MAPK9: variants seen among roughly 807,000 people sequenced by gnomAD.
MAPK9 encodes the protein Jun kinase.
Under a neutral mutation model 57.1 loss-of-function variants are expected in MAPK9, and 30 were observed. The ratio of observed to expected loss-of-function variants is 0.53; its 90% CI spans 0.39 to 0.71. MAPK9 has a LOEUF of 0.71. Ranked by LOEUF, MAPK9 falls within the 30% of genes least tolerant of loss-of-function variation. The pLI is 0.00. For missense variants in MAPK9, 362 were observed against 521.0 expected (o/e 0.69, Z 2.97); for synonymous variants, 155 against 177.0 (o/e 0.88, Z 0.99).
intron 2 of MAPK9, 131 bp downstream of exon 2, chr5:180,280,309 T>C (rs1762209625): frequency 1.6e-6 from 2 of 1,218,988 alleles, no homozygotes; most frequent in East Asian, 4.9e-5. Flanking sequence ...AAGCAGTTGA[T>C]TCAATTTAGC....
rs547917857 is a variant in MAPK9, at chr5:180,247,732, A to AAAACAAAC, written c.617-230_617-223dup. The AAAACAAAC allele has an allele frequency of 8.7e-7, 1 of 1,147,242 alleles. No individual in the cohort carries two copies. Among genetic ancestry groups the AAAACAAAC allele is most frequent in the Non-Finnish European group, 1.3e-6 (1 of 777,182 alleles). 71.1% of individuals were successfully genotyped at this position (1,147,242 alleles called of 1,614,324 possible). On this transcript the variant is annotated intron_variant, in intron 6 of 11. Coordinates refer to ENST00000452135, the MANE Select transcript of MAPK9 (RefSeq NM_002752.5). The surrounding 1 kb of genome is among the most constrained non-coding windows in gnomAD (Gnocchi z 4.5). Reference sequence around the variant, plus strand: ...CAAAGAGTCCAATACTTTATAGCTTAAAACAAACAAACAAACAAACAAAAA... The same window carrying AAAACAAAC: ...CAAAGAGTCCAATACTTTATAGCTTAAAACAAACAAACAAACAAACAAACAAACAAAAA...
At chr5:180,265,885 C>T (rs1326148975) in intron 3 of MAPK9, among the ~76,000 whole-genome samples, 1 of 152,096 alleles carries the variant, frequency 6.6e-6, no homozygotes, top group Non-Finnish European at 1.5e-5. Context: ...GGAACAAAGA[C>T]TTAAATCTAA....
At chr5:180,262,000 C>T (rs1456794030) in intron 4 of MAPK9, among the ~76,000 whole-genome samples, 178 bp from the exon 5 acceptor site, 1 of 151,810 alleles carries the variant, frequency 6.6e-6, no homozygotes, top group Non-Finnish European at 1.5e-5. Flanking sequence ...AACTTAACGT[C>T]TTACAAGTTA....
chr5:180,273,381 T>A (rs964590186), intron 2 of MAPK9, among the ~76,000 whole-genome samples: 1 of 152,156 alleles, frequency 6.6e-6, no homozygotes, highest in Non-Finnish European at 1.5e-5. Flanking sequence ...CAATCTTCTA[T>A]GATAATTTTT....
chr5:180,236,653 G>T, intron 11 of MAPK9, 127 bp from the exon 12 acceptor site: 1 of 970,818 alleles, frequency 1.0e-6, no homozygotes, highest in Non-Finnish European at 1.5e-6. Context: ...TATGAGTATA[G>T]ACAAGAAGTC....
intron 2 of MAPK9, among the ~76,000 whole-genome samples, chr5:180,269,639 C>T (rs1761066748): frequency 6.6e-6 from 1 of 152,210 alleles, no homozygotes; most frequent in Admixed American, 6.5e-5. Context: ...TGGGGTTCAG[C>T]AATCCTTCAC....
chr5:180,284,201 G>T (rs927255663), intron 1 of MAPK9, among the ~76,000 whole-genome samples: 4 of 152,216 alleles, frequency 2.6e-5, no homozygotes, highest in Admixed American at 6.5e-5. Flanking sequence ...GGAAGTACAA[G>T]AATTCTTCAT....
intron 2 of MAPK9, among the ~76,000 whole-genome samples, chr5:180,270,875 A>AAG (rs1761225130): frequency 9.6e-6 from 1 of 104,562 alleles, no homozygotes; most frequent in South Asian, 3.0e-4. Context: ...AAAAAAAAAG[A>AAG]AAAAGAAAAA....
chr5:180,241,004 A>G lies in MAPK9; in HGVS notation c.996+27T>C, dbSNP rs776276982. On this transcript the variant is annotated intron_variant, in intron 9 of 11. Coordinates refer to ENST00000452135, the MANE Select transcript of MAPK9 (RefSeq NM_002752.5). Reference sequence around the variant, plus strand: ...GGAAATATAAGCCTGGCCTCTCTATATAAATCTTTTCAAAACAGATACTCA... The same window carrying G: ...GGAAATATAAGCCTGGCCTCTCTATGTAAATCTTTTCAAAACAGATACTCA... 12 of 1,607,172 alleles carry G rather than the reference A, an allele frequency of 7.5e-6. No homozygotes were observed. The East Asian group carries it at 2.7e-4, about 36-fold the overall frequency.
chr5:180,277,489 C>T (rs1319673007), intron 2 of MAPK9, among the ~76,000 whole-genome samples: 2 of 152,094 alleles, frequency 1.3e-5, no homozygotes, highest in Admixed American at 6.5e-5. Flanking sequence ...CTGGGATAAC[C>T]CTCCCATCTC....
intron 4 of MAPK9, among the ~76,000 whole-genome samples, chr5:180,264,378 G>A (rs1301863671): frequency 6.6e-6 from 1 of 152,178 alleles, no homozygotes; most frequent in African/African-American, 2.4e-5. Context: ...CTGTTAGTAA[G>A]ATGATTCTAC....
intron 10 of MAPK9, among the ~76,000 whole-genome samples, chr5:180,238,733 C>T (rs923749437): frequency 6.6e-6 from 1 of 151,664 alleles, no homozygotes; most frequent in African/African-American, 2.4e-5. Flanking sequence ...CTCAGCCATC[C>T]AAATTGCTGG....
At chr5:180,272,000 T>C (rs1761371440) in intron 2 of MAPK9, among the ~76,000 whole-genome samples, 1 of 152,208 alleles carries the variant, frequency 6.6e-6, no homozygotes, top group Admixed American at 6.5e-5. Context: ...CATTATCTGT[T>C]GTGTGGCACC....
rs1478379402 is a variant in MAPK9, at chr5:180,292,028, G to A, written c.-228C>T. On this transcript the variant is annotated 5_prime_UTR_variant, in exon 1 of 12. Transcript: ENST00000452135. ...GGTGTGAGGGGCGCCGGGGCGCTGCGACCCTTCCGGTCCCGCTCCCTTCTC... is the reference window on the plus strand; with the variant it reads ...GGTGTGAGGGGCGCCGGGGCGCTGCAACCCTTCCGGTCCCGCTCCCTTCTC... 3.8e-5 allele frequency: 6 copies of A among 156,034 alleles called. No homozygotes were observed. The South Asian group carries it at 1.0e-3, about 27-fold the overall frequency. 9.7% of individuals were successfully genotyped at this position (156,034 alleles called of 1,614,324 possible).
chr5:180,249,881 C>T (rs1242530636), intron 5 of MAPK9, among the ~76,000 whole-genome samples: 6 of 152,168 alleles, frequency 3.9e-5, no homozygotes, highest in Non-Finnish European at 5.9e-5. Context: ...AACTGCAGCA[C>T]GGCCACATCC....
chr5:180,270,553 C>G (rs1761161634), intron 2 of MAPK9, among the ~76,000 whole-genome samples: 1 of 152,096 alleles, frequency 6.6e-6, no homozygotes, highest in African/African-American at 2.4e-5. Context: ...TTCTCAGACT[C>G]AAGAATTTGA....
Position 180,247,704 on chromosome 5 carries a change from T to A in MAPK9, c.617-194A>T. The A allele has an allele frequency of 1.0e-6, 1 of 976,010 alleles. No homozygotes were observed. Among genetic ancestry groups the A allele is most frequent in the South Asian group, 1.4e-5 (1 of 72,962 alleles). 60.5% of individuals were successfully genotyped at this position (976,010 alleles called of 1,614,324 possible). A position where few individuals can be genotyped will look rare whatever the true frequency, so the allele number is the denominator to read the frequency against. ...GGTTTGTAGCAATCTGGGGTTTTAGTGCCAAAGAGTCCAATACTTTATAGC... is the reference window on the plus strand; with the variant it reads ...GGTTTGTAGCAATCTGGGGTTTTAGAGCCAAAGAGTCCAATACTTTATAGC... On this transcript the variant is annotated intron_variant, in intron 6 of 11. Transcript: ENST00000452135. The surrounding 1 kb of genome is among the most constrained non-coding windows in gnomAD (Gnocchi z 4.5).
intron 6 of MAPK9, chr5:180,248,016 T>G: frequency 2.4e-6 from 3 of 1,249,228 alleles, no homozygotes; most frequent in Non-Finnish European, 2.2e-6. Context: ...TACACGTCAC[T>G]AGCTTGCCGG....
Position 180,247,101 on chromosome 5 carries a change from A to G in MAPK9, c.688+338T>C, listed in dbSNP as rs769218845. 12 of 319,970 alleles carry G rather than the reference A, an allele frequency of 3.8e-5. No homozygotes were observed. The highest frequency in any genetic ancestry group is 6.3e-5 in the Non-Finnish European group (11 of 175,064). The allele number at this position is 319,970 out of a possible 1,614,324, so 19.8% of individuals were successfully genotyped here. On this transcript the variant is annotated intron_variant, in intron 7 of 11. Coordinates refer to ENST00000452135, the MANE Select transcript of MAPK9 (RefSeq NM_002752.5). This position sits in a 1 kb window ranked among gnomAD's most constrained non-coding sequence, Gnocchi z 4.5. ...TTAAATTAACGGAATAAACTAAATA[A>G]TACAGTATTTTCATTTAAATATCAG...
Sources: allele counts gnomAD v4.1 joint callset (sites outside exome capture counted in the v4.1 genomes callset), GRCh38; gene constraint gnomAD v4.1.1; non-coding constraint Gnocchi (gnomAD v3.1); transcripts MANE v1.5; gene names NCBI Gene and HGNC (gene_info 2026-07-23, HGNC 2026-07-21).